The following RNF212B variants were observed in gnomAD, a reference collection of about 807,000 sequenced individuals.
The protein encoded by RNF212B is ring finger protein 212B.
Under a neutral mutation model 55.5 loss-of-function variants are expected in RNF212B, and 52 were observed. The ratio of observed to expected loss-of-function variants is 0.94; its 90% CI spans 0.75 to 1.18. RNF212B has a LOEUF of 1.18. RNF212B is among the 50% of genes most tolerant of loss of function. The pLI is 0.00. For synonymous variants in RNF212B, 99 were observed against 121.4 expected, an observed-to-expected ratio of 0.82 and a Z score of 1.21; for missense variants, 289 against 350.4, an observed-to-expected ratio of 0.82 and a Z score of 1.40.
chr14:23,212,918 C>T (rs368615633), intron 2 of RNF212B, among the ~76,000 whole-genome samples: 2 of 151,558 alleles, frequency 1.3e-5, no homozygotes, highest in South Asian at 2.1e-4. Flanking sequence ...TTTTGCCAGC[C>T]TAATAGTAGA....
At chr14:23,243,006 A>T (rs1350276118) in intron 2 of RNF212B, among the ~76,000 whole-genome samples, 1 of 151,734 alleles carries the variant, frequency 6.6e-6, no homozygotes, top group Non-Finnish European at 1.5e-5. Flanking sequence ...AAATTTAAAA[A>T]GATAGGGAGA....
intron 2 of RNF212B, among the ~76,000 whole-genome samples, chr14:23,216,905 G>T (rs976445602): frequency 2.1e-4 from 12 of 56,684 alleles, no homozygotes; most frequent in African/African-American, 5.9e-4. Context: ...AAAAAAAAAA[G>T]ACCAATCTCA....
intron 2 of RNF212B, among the ~76,000 whole-genome samples, chr14:23,207,389 A>G (rs1023718332): frequency 2.0e-5 from 3 of 152,230 alleles, no homozygotes; most frequent in African/African-American, 4.8e-5. Flanking sequence ...CAAATTCCAT[A>G]AAGGAGTTAC....
At chr14:23,234,510 A>C (rs1216408332), upstream of RNF212B, among the ~76,000 whole-genome samples, 2 of 152,008 alleles carry the variant, frequency 1.3e-5, no homozygotes, top group Non-Finnish European at 2.9e-5. Flanking sequence ...TGAGAAACAG[A>C]CTCAATTTTA....
At chr14:23,244,218 T>TTAAAAAA in intron 3 of RNF212B, 104 bp from the exon 4 acceptor site, 1 of 591,414 alleles carries the variant, frequency 1.7e-6, no homozygotes, top group Non-Finnish European at 2.9e-6. Context: ...GTGGAGATAA[T>TTAAAAAA]GTCAGGTACA....
chr14:23,208,342 C>A (rs1050550440), intron 2 of RNF212B, among the ~76,000 whole-genome samples: 3 of 152,068 alleles, frequency 2.0e-5, no homozygotes, highest in African/African-American at 7.2e-5. Context: ...TAAATAAATA[C>A]ATAAATTAGT....
chr14:23,211,948 G>A (rs1436857981), intron 2 of RNF212B, among the ~76,000 whole-genome samples: 1 of 152,154 alleles, frequency 6.6e-6, no homozygotes, highest in African/African-American at 2.4e-5. Context: ...GGCTGGTCTT[G>A]AAGTCCTGAC....
At chr14:23,255,454 A>T (rs549058162) in intron 4 of RNF212B, among the ~76,000 whole-genome samples, 1 of 152,350 alleles carries the variant, frequency 6.6e-6, no homozygotes, top group South Asian at 2.1e-4. Context: ...AGATAGTTTC[A>T]TACCAATAAA....
chr14:23,230,290 A>G (rs1307900968), intron 2 of RNF212B, among the ~76,000 whole-genome samples: 1 of 152,192 alleles, frequency 6.6e-6, no homozygotes, highest in Non-Finnish European at 1.5e-5. Flanking sequence ...TTGTTGCACA[A>G]AAGTTTTTAA....
intron 4 of RNF212B, among the ~76,000 whole-genome samples, chr14:23,255,532 T>C (rs2140462336): frequency 6.6e-6 from 1 of 152,214 alleles, no homozygotes; most frequent in Admixed American, 6.5e-5. Flanking sequence ...CAATGTTAAG[T>C]GTTATCATCA....
chr14:23,194,413 T>C (rs939143199), intron 2 of RNF212B, among the ~76,000 whole-genome samples: 8 of 151,890 alleles, frequency 5.3e-5, no homozygotes, highest in Admixed American at 6.6e-5. Flanking sequence ...TTTGCAATCA[T>C]TGGGAGAAAT....
At chr14:23,242,982 G>GA (rs1286151709) in intron 2 of RNF212B, among the ~76,000 whole-genome samples, 1 of 151,514 alleles carries the variant, frequency 6.6e-6, no homozygotes, top group Non-Finnish European at 1.5e-5. Context: ...TTGTCTCAAA[G>GA]AAAAAGTAAA....
chr14:23,187,474 G>A (rs941655216), intron 1 of RNF212B, among the ~76,000 whole-genome samples: 1 of 151,956 alleles, frequency 6.6e-6, no homozygotes, highest in African/African-American at 2.4e-5. Flanking sequence ...TCAGCCTCCC[G>A]AGTAGCTGGG....
At chr14:23,234,920 A>T (rs1000244086), upstream of RNF212B, among the ~76,000 whole-genome samples, 1 of 152,150 alleles carries the variant, frequency 6.6e-6, no homozygotes, top group African/African-American at 2.4e-5. Context: ...TTAAAAAAAT[A>T]TTAAAAATTA....
chr14:23,199,262 A>G (rs7158649), intron 2 of RNF212B, among the ~76,000 whole-genome samples: 1 of 152,188 alleles, frequency 6.6e-6, no homozygotes, highest in South Asian at 2.1e-4. Flanking sequence ...TAAGAAGTAC[A>G]TTGGTTCAGT....
chr14:23,202,749 G>GC (rs946665972), intron 2 of RNF212B, among the ~76,000 whole-genome samples: 1 of 151,750 alleles, frequency 6.6e-6, no homozygotes, highest in African/African-American at 2.4e-5. Flanking sequence ...TACTCGAGAG[G>GC]CTGAGGCAGG....
chr14:23,212,660 C>T (rs868474896), intron 2 of RNF212B, among the ~76,000 whole-genome samples: 1 of 151,950 alleles, frequency 6.6e-6, no homozygotes, highest in African/African-American at 2.4e-5. Context: ...CGGCTCACTG[C>T]AAGCTCCGCC....
At chr14:23,268,278 A>T (rs923042133) in intron 11 of RNF212B, among the ~76,000 whole-genome samples, 22 of 152,164 alleles carry the variant, frequency 1.4e-4, no homozygotes, top group Admixed American at 5.2e-4. Context: ...ACCCTGTTCC[A>T]TCCCCTCTAG....
chr14:23,231,774 C>T (rs1484760072), intron 2 of RNF212B, among the ~76,000 whole-genome samples: 3 of 150,578 alleles, frequency 2.0e-5, no homozygotes, highest in Non-Finnish European at 3.0e-5. Flanking sequence ...CCAGTGCCTG[C>T]GATTGCAGGC....
Sources: allele counts gnomAD v4.1 joint callset (sites outside exome capture counted in the v4.1 genomes callset), GRCh38; gene constraint gnomAD v4.1.1; transcripts MANE v1.5; gene names NCBI Gene and HGNC (gene_info 2026-07-23, HGNC 2026-07-21).